PTPRT: variants seen among roughly 807,000 people sequenced by gnomAD.
The protein encoded by PTPRT is receptor-type tyrosine-protein phosphatase T.
A neutral mutation model predicts 176.8 loss-of-function variants in PTPRT; 56 were observed. The observed-to-expected ratio is 0.32, with a 90% CI of 0.26 to 0.40. The LOEUF (loss-of-function observed/expected upper bound fraction) is 0.40. Among genes scored for constraint, PTPRT ranks in the 10% least tolerant of loss-of-function variants. PTPRT has a pLI of 1.00. For synonymous variants in PTPRT, 783 were observed against 739.0 expected, an observed-to-expected ratio of 1.06 and a Z score of -0.96; for missense variants, 1,540 against 1,908.2, an observed-to-expected ratio of 0.81 and a Z score of 3.60.
At chr20:42,337,400 C>T (rs1042502290) in intron 11 of PTPRT, among the ~76,000 whole-genome samples, 1 of 152,196 alleles carries the variant, frequency 6.6e-6, no homozygotes, top group Non-Finnish European at 1.5e-5. Flanking sequence ...GCCATCTTCT[C>T]AGGATCTCAG....
chr20:42,505,214 ATTATT>A (rs1406227019), intron 7 of PTPRT, among the ~76,000 whole-genome samples: 2 of 151,964 alleles, frequency 1.3e-5, no homozygotes, highest in Non-Finnish European at 2.9e-5. Flanking sequence ...CATTCTTTTA[ATTATT>A]TTATTTACTT....
At chr20:42,387,660 TC>T (rs2058757208) in intron 9 of PTPRT, among the ~76,000 whole-genome samples, 1 of 152,136 alleles carries the variant, frequency 6.6e-6, no homozygotes, top group Non-Finnish European at 1.5e-5. Flanking sequence ...AATTTTAGCT[TC>T]TTAATTGGGG....
intron 1 of PTPRT, among the ~76,000 whole-genome samples, chr20:43,071,349 C>A (rs923924666): frequency 4.6e-5 from 7 of 152,190 alleles, no homozygotes; most frequent in African/African-American, 1.7e-4. Context: ...TGGGGCCCAG[C>A]CATTTGTGGT....
intron 9 of PTPRT, among the ~76,000 whole-genome samples, chr20:42,436,572 A>G (rs1280761059): frequency 6.6e-6 from 1 of 152,226 alleles, no homozygotes; most frequent in African/African-American, 2.4e-5. Context: ...AGGCACTCAT[A>G]ATTTGCTGGC....
chr20:42,067,335 CTG>C, the PTPRT span, among the ~76,000 whole-genome samples: 1 of 152,132 alleles, frequency 6.6e-6, no homozygotes, highest in African/African-American at 2.4e-5. Flanking sequence ...ACGCCCCCAT[CTG>C]TTTTCCTGTC....
chr20:42,203,337 A>G (rs528202338), intron 15 of PTPRT, among the ~76,000 whole-genome samples: 6 of 152,334 alleles, frequency 3.9e-5, no homozygotes, highest in Non-Finnish European at 8.8e-5. Flanking sequence ...TTCTCTCTCA[A>G]CGAAAGAGAA....
chr20:42,510,472 C>A (rs1052258422), intron 7 of PTPRT, among the ~76,000 whole-genome samples: 3 of 151,966 alleles, frequency 2.0e-5, no homozygotes, highest in African/African-American at 7.3e-5. Flanking sequence ...AAAAAAGGAG[C>A]CCCAATACAG....
At chr20:42,706,189 G>C (rs914523796) in intron 6 of PTPRT, among the ~76,000 whole-genome samples, 41 of 97,502 alleles carry the variant, frequency 4.2e-4, no homozygotes, top group African/African-American at 1.3e-3. Context: ...TTGTGTGTGT[G>C]TGTGTGTGTG....
At chr20:42,536,396 T>C (rs1470189512) in intron 7 of PTPRT, among the ~76,000 whole-genome samples, 1 of 152,224 alleles carries the variant, frequency 6.6e-6, no homozygotes, top group Non-Finnish European at 1.5e-5. Flanking sequence ...TTGGAAACTC[T>C]ACATTTGCAC....
intron 25 of PTPRT, 84 bp from the exon 26 acceptor site, chr20:42,102,381 T>G: frequency 7.0e-7 from 1 of 1,435,420 alleles, no homozygotes; most frequent in Non-Finnish European, 9.5e-7. Flanking sequence ...CAACTCAGCC[T>G]AACTCGCCTA....
intron 9 of PTPRT, among the ~76,000 whole-genome samples, chr20:42,373,841 TC>T (rs1204739905): frequency 2.6e-5 from 4 of 152,138 alleles, no homozygotes; most frequent in African/African-American, 9.7e-5. Flanking sequence ...AGTTCATGAA[TC>T]CCAGAATGGG....
At chr20:42,411,517 C>CAA (rs10591184) in intron 9 of PTPRT, among the ~76,000 whole-genome samples, 90 of 88,240 alleles carry the variant, frequency 1.0e-3, no homozygotes, top group East Asian at 1.4e-3. Flanking sequence ...AACCCTGTCT[C>CAA]AAAAAAAAAA....
At chr20:42,854,003 T>A (rs569336228) in intron 2 of PTPRT, among the ~76,000 whole-genome samples, 1 of 152,262 alleles carries the variant, frequency 6.6e-6, no homozygotes, top group South Asian at 2.1e-4. Context: ...TATGTCTAGA[T>A]CTGTGTCAAC....
chr20:42,978,231 AATAATT>A (rs1489955114), intron 1 of PTPRT, among the ~76,000 whole-genome samples: 1 of 152,254 alleles, frequency 6.6e-6, no homozygotes, highest in African/African-American at 2.4e-5. Context: ...AATAAAGTAG[AATAATT>A]ATAATGATAT....
chr20:43,137,656 C>T (rs2013875317), intron 1 of PTPRT, among the ~76,000 whole-genome samples: 1 of 152,156 alleles, frequency 6.6e-6, no homozygotes, highest in South Asian at 2.1e-4. Context: ...CAACCATTTC[C>T]CTGACTCCTC....
chr20:42,055,236 T>C, the PTPRT span, among the ~76,000 whole-genome samples: 2 of 152,194 alleles, frequency 1.3e-5, no homozygotes, highest in Non-Finnish European at 2.9e-5. Context: ...TAAAAAGGCA[T>C]TTCTTAAATC....
chr20:42,350,784 C>T, intron 10 of PTPRT, 54 bp from the exon 11 acceptor site: 1 of 1,291,292 alleles, frequency 7.7e-7, no homozygotes, highest in Non-Finnish European at 1.1e-6. Flanking sequence ...CCAACTGGCT[C>T]CCCACCGCCC....
At chr20:42,470,127 C>G (rs1036821575) in intron 8 of PTPRT, among the ~76,000 whole-genome samples, 1 of 152,220 alleles carries the variant, frequency 6.6e-6, no homozygotes, top group Non-Finnish European at 1.5e-5. Flanking sequence ...CGGGTATTTT[C>G]TTTATGCAGC....
chr20:42,756,544 C>T lies in PTPRT; in HGVS notation c.777G>A (p.Gln259=), dbSNP rs1435122563. Residue 259 remains glutamine, a synonymous_variant, in exon 6 of 31, where the codon CAG becomes CAA. Coordinates refer to ENST00000373187, the MANE Select transcript of PTPRT (RefSeq NM_007050.6). ...CACAGCGGTACTTGCTGACGCTCCG[C>T]TGGGCAGTGTCTGCCACACTGACTG... is the stretch of plus-strand genomic sequence containing the variant. ...SATVSVADTA[Q]RSVSKYRCVI... The T allele has an allele frequency of 6.2e-7, 1 of 1,613,110 alleles. No individual in the cohort carries two copies. Among genetic ancestry groups the T allele is most frequent in the Non-Finnish European group, 8.5e-7 (1 of 1,179,274 alleles).
Sources: allele counts gnomAD v4.1 joint callset (sites outside exome capture counted in the v4.1 genomes callset), GRCh38; gene constraint gnomAD v4.1.1; transcripts MANE v1.5; gene names NCBI Gene and HGNC (gene_info 2026-07-23, HGNC 2026-07-21).